Variants in FHIP1A observed in about 807,000 individuals in gnomAD.
FHIP1A encodes FHF complex subunit HOOK-interacting protein 1A.
In FHIP1A, 61 loss-of-function variants were observed where a neutral mutation model predicts 88.6. The ratio of observed to expected loss-of-function variants is 0.69; its 90% confidence interval spans 0.56 to 0.85. The LOEUF is 0.85. FHIP1A is among the 40% of genes least tolerant of loss of function. FHIP1A has a pLI of 0.00. For synonymous variants in FHIP1A, 478 were observed against 496.0 expected, an observed-to-expected ratio of 0.96 and a Z score of 0.48; for missense variants, 1,154 against 1,273.5, an observed-to-expected ratio of 0.91 and a Z score of 1.43.
chr4:151,642,635 G>T (rs1381012997), intron 9 of FHIP1A, among the ~76,000 whole-genome samples: 1 of 152,146 alleles, frequency 6.6e-6, no homozygotes, highest in Non-Finnish European at 1.5e-5. Flanking sequence ...CATCCCAGAA[G>T]AAGCACTTCA....
At chr4:151,409,622 C>T (rs1209019780) in intron 1 of FHIP1A, among the ~76,000 whole-genome samples, 157 bp downstream of exon 1, 3 of 151,488 alleles carry the variant, frequency 2.0e-5, no homozygotes, top group African/African-American at 7.3e-5. Flanking sequence ...GGCTGGGGGC[C>T]GGCTGGGGAT....
intron 3 of FHIP1A, among the ~76,000 whole-genome samples, chr4:151,559,684 A>G (rs927444001): frequency 3.3e-5 from 5 of 152,306 alleles, no homozygotes; most frequent in African/African-American, 1.2e-4. Context: ...ATTGATGGAT[A>G]TGTAGGGTCT....
At chr4:151,440,420 A>G (rs1187886522) in intron 1 of FHIP1A, among the ~76,000 whole-genome samples, 9 of 152,188 alleles carry the variant, frequency 5.9e-5, no homozygotes. Flanking sequence ...GAACAAACAA[A>G]TAGATTTTCA....
chr4:151,478,837 A>G (rs544429444), intron 2 of FHIP1A, among the ~76,000 whole-genome samples: 11 of 152,168 alleles, frequency 7.2e-5, no homozygotes, highest in African/African-American at 2.6e-4. Context: ...TAATACTAGA[A>G]TTTGGTTTCA....
At chr4:151,486,747 G>A (rs6825069) in intron 3 of FHIP1A, among the ~76,000 whole-genome samples, 78,840 of 151,636 alleles carry the variant, frequency 0.52, 20,789 homozygotes, top group African/African-American at 0.55. Flanking sequence ...CGGGCGGATC[G>A]CCTGAGGTCG....
At chr4:151,462,530 C>T (rs982102370) in intron 2 of FHIP1A, among the ~76,000 whole-genome samples, 2 of 152,112 alleles carry the variant, frequency 1.3e-5, no homozygotes, top group Non-Finnish European at 2.9e-5. Context: ...TGTTACATAA[C>T]TCAAAGAAAT....
In FHIP1A at chr4:151,656,468, G is replaced by T. The variant is rs1737244129; in HGVS notation, c.2730+58G>T. ...GATTTTGTGGGTGCTAATTTGCAGG[G>T]CATCTATTTCTCTTTATTTTGTTTT... On this transcript the variant is annotated intron_variant, in intron 12 of 13. Transcript: ENST00000435205. The surrounding 1 kb of genome is among the most constrained non-coding windows in gnomAD (Gnocchi z 4.2). The T allele has an allele frequency of 1.4e-6, 2 of 1,480,008 alleles. No individual in the cohort carries two copies. The highest frequency in any genetic ancestry group is 1.4e-5 in the African/African-American group (1 of 71,102). The allele number at this position is 1,480,008 out of a possible 1,614,324, so 91.7% of individuals were successfully genotyped here.
chr4:151,489,968 C>T (rs1304127426), intron 3 of FHIP1A, among the ~76,000 whole-genome samples: 1 of 152,176 alleles, frequency 6.6e-6, no homozygotes, highest in East Asian at 1.9e-4. Flanking sequence ...CTTATCTTTG[C>T]CTATGTAGGG....
intron 2 of FHIP1A, among the ~76,000 whole-genome samples, chr4:151,461,189 C>T (rs1471899440): frequency 2.0e-5 from 3 of 152,022 alleles, no homozygotes; most frequent in African/African-American, 7.3e-5. Flanking sequence ...GCCAGCAGAA[C>T]CTATGTTCTG....
chr4:151,610,689 T>A (rs1295315027), intron 7 of FHIP1A, among the ~76,000 whole-genome samples: 1 of 152,094 alleles, frequency 6.6e-6, no homozygotes, highest in Non-Finnish European at 1.5e-5. Flanking sequence ...CAACTATATT[T>A]AGCATCTATT....
At chr4:151,657,783 G>A (rs1371953829) in intron 13 of FHIP1A, among the ~76,000 whole-genome samples, 1 of 152,188 alleles carries the variant, frequency 6.6e-6, no homozygotes, top group East Asian at 1.9e-4. Flanking sequence ...GGCAGTGAGC[G>A]GCAGAAATGA....
chr4:151,529,346 G>T (rs959232709), intron 3 of FHIP1A, among the ~76,000 whole-genome samples: 9 of 152,174 alleles, frequency 5.9e-5, no homozygotes, highest in Non-Finnish European at 1.2e-4. Flanking sequence ...CGTTATTGTA[G>T]CCTGCTACTC....
At chr4:151,463,875 A>G (rs1729218979) in intron 2 of FHIP1A, among the ~76,000 whole-genome samples, 1 of 152,130 alleles carries the variant, frequency 6.6e-6, no homozygotes, top group African/African-American at 2.4e-5. Flanking sequence ...TCTATTTTTT[A>G]CATTCCATTT....
At chr4:151,520,270 C>T (rs1731404155) in intron 3 of FHIP1A, among the ~76,000 whole-genome samples, 1 of 152,072 alleles carries the variant, frequency 6.6e-6, no homozygotes, top group Non-Finnish European at 1.5e-5. Flanking sequence ...TAATATCACT[C>T]CATATGGATA....
intron 7 of FHIP1A, among the ~76,000 whole-genome samples, chr4:151,625,441 T>C (rs975742492): frequency 5.3e-5 from 8 of 152,146 alleles, no homozygotes; most frequent in African/African-American, 1.9e-4. Flanking sequence ...AGCTTGGAAA[T>C]GTATTTTTCA....
chr4:151,498,701 G>C (rs1730548028), intron 3 of FHIP1A, among the ~76,000 whole-genome samples: 1 of 152,178 alleles, frequency 6.6e-6, no homozygotes, highest in Admixed American at 6.5e-5. Context: ...TGTAGTCCCA[G>C]CTACTCGGGA....
intron 3 of FHIP1A, among the ~76,000 whole-genome samples, chr4:151,549,508 AAAAT>A: frequency 6.6e-6 from 1 of 151,536 alleles, no homozygotes; most frequent in South Asian, 2.1e-4. Context: ...AAAAAAAAAA[AAAAT>A]AGTTACCCTA....
chr4:151,413,087 T>C (rs1284200042), intron 1 of FHIP1A, among the ~76,000 whole-genome samples: 1 of 152,210 alleles, frequency 6.6e-6, no homozygotes, highest in African/African-American at 2.4e-5. Flanking sequence ...TGTGTACACA[T>C]GTAACATATA....
chr4:151,589,885 A>T (rs1027597952), intron 7 of FHIP1A, among the ~76,000 whole-genome samples: 2 of 152,118 alleles, frequency 1.3e-5, no homozygotes, highest in Non-Finnish European at 2.9e-5. Context: ...ACTTGGTTTG[A>T]ATTGGATTTT....
Sources: allele counts gnomAD v4.1 joint callset (sites outside exome capture counted in the v4.1 genomes callset), GRCh38; gene constraint gnomAD v4.1.1; non-coding constraint Gnocchi (gnomAD v3.1); transcripts MANE v1.5; gene names NCBI Gene and HGNC (gene_info 2026-07-23, HGNC 2026-07-21).